Variants in AGBL4 observed in about 807,000 individuals in gnomAD.
AGBL4 encodes the protein cytosolic carboxypeptidase 6.
In AGBL4, 58 loss-of-function variants were observed where a neutral mutation model predicts 66.4. That is an observed-to-expected ratio of 0.87 (90% confidence interval 0.71 to 1.09). AGBL4 has a LOEUF of 1.09. Ranked by LOEUF, AGBL4 falls within the 50% of genes least tolerant of loss-of-function variation. The probability of loss-of-function intolerance (pLI) is 0.00; values close to 1 mark genes in which losing one functional copy is unlikely to be tolerated. For missense variants in AGBL4, 579 were observed against 631.0 expected (o/e 0.92, Z 0.88); for synonymous variants, 234 against 222.9 (o/e 1.05, Z -0.44).
rs539977604 is a variant in AGBL4 at position 49,938,189 on chromosome 1, A to C, written c.34+85574T>G. Among the ~76,000 whole-genome samples the C allele has an allele frequency of 5.3e-4, 81 of 152,228 alleles. 2 individuals carry two copies. Among genetic ancestry groups the C allele is most frequent in the African/African-American group, 1.9e-3 (77 of 41,516 alleles). On this transcript the variant is annotated intron_variant, in intron 1 of 13. Transcript: ENST00000371839. ...ATCACCACCAATCCCACAGAAATAC[A>C]AACTACCATCAGAGAATACTACAAA...
At chr1:49,580,768 G>A (rs1372665978) in intron 3 of AGBL4, among the ~76,000 whole-genome samples, 3 of 152,084 alleles carry the variant, frequency 2.0e-5, no homozygotes, top group Admixed American at 6.6e-5. Context: ...TGAGTCACAT[G>A]TTTTTCTCTT....
rs146276016 is a variant in AGBL4, at chr1:49,788,298, C to T, written c.157+63098G>A. Among the ~76,000 whole-genome samples, 204 of 151,620 alleles carry T rather than the reference C, an allele frequency of 1.3e-3. 2 individuals are homozygous for T. Among genetic ancestry groups the T allele is most frequent in the African/African-American group, 4.7e-3 (193 of 41,288 alleles). Reference sequence around the variant, plus strand: ...GTCTATATAATGTCAAGGTGATCAGCCAAAAACTGAACTGCACACTAGAAC... The same window carrying T: ...GTCTATATAATGTCAAGGTGATCAGTCAAAAACTGAACTGCACACTAGAAC... On this transcript the variant is annotated intron_variant, in intron 2 of 13. Coordinates refer to ENST00000371839, the MANE Select transcript of AGBL4 (RefSeq NM_032785.4).
chr1:48,833,791 T>C (rs1301893200), intron 6 of AGBL4, among the ~76,000 whole-genome samples: 2 of 152,146 alleles, frequency 1.3e-5, no homozygotes, highest in South Asian at 2.1e-4. Flanking sequence ...TTTTACAAGA[T>C]AAAAACATAG....
intron 3 of AGBL4, among the ~76,000 whole-genome samples, chr1:49,502,231 C>T (rs1393546023): frequency 1.3e-5 from 2 of 152,122 alleles, no homozygotes; most frequent in African/African-American, 4.8e-5. Context: ...TGTTGGCTTT[C>T]CTACTTTTGA....
chr1:49,607,738 A>C (rs2124209503), intron 3 of AGBL4, among the ~76,000 whole-genome samples: 1 of 152,262 alleles, frequency 6.6e-6, no homozygotes, highest in Admixed American at 6.5e-5. Flanking sequence ...AGGTTATAGA[A>C]GTTCCAGGCA....
chr1:49,088,232 C>T (rs1644941732), intron 4 of AGBL4, among the ~76,000 whole-genome samples: 1 of 152,110 alleles, frequency 6.6e-6, no homozygotes, highest in Non-Finnish European at 1.5e-5. Context: ...CTGCACATAT[C>T]AATATTAACC....
chr1:48,934,639 A>G (rs1175084163), intron 5 of AGBL4, among the ~76,000 whole-genome samples: 3 of 152,214 alleles, frequency 2.0e-5, no homozygotes, highest in South Asian at 2.1e-4. Context: ...AAAGGGCATC[A>G]CCACCCACCT....
intron 4 of AGBL4, among the ~76,000 whole-genome samples, chr1:49,159,752 TG>T (rs1646504806): frequency 6.6e-6 from 1 of 152,196 alleles, no homozygotes; most frequent in Admixed American, 6.5e-5. Context: ...TTGATGGTTT[TG>T]TTCATTCCTT....
chr1:49,585,954 T>A (rs966583053), intron 3 of AGBL4, among the ~76,000 whole-genome samples: 1 of 152,196 alleles, frequency 6.6e-6, no homozygotes, highest in Non-Finnish European at 1.5e-5. Context: ...TGTCTGTGTA[T>A]TGGGGCCATA....
At chr1:49,219,462 A>T (rs1303080655) in intron 4 of AGBL4, among the ~76,000 whole-genome samples, 1 of 152,162 alleles carries the variant, frequency 6.6e-6, no homozygotes, top group Non-Finnish European at 1.5e-5. Context: ...CATGATATTC[A>T]TGAAAGCAGC....
intron 1 of AGBL4, among the ~76,000 whole-genome samples, chr1:49,870,737 T>C (rs1646818401): frequency 6.6e-6 from 1 of 151,934 alleles, no homozygotes; most frequent in Non-Finnish European, 1.5e-5. Context: ...TGAAAAGATA[T>C]TCAACCACAC....
intron 3 of AGBL4, among the ~76,000 whole-genome samples, chr1:49,651,691 GGTAC>G: frequency 6.6e-6 from 1 of 151,674 alleles, no homozygotes; most frequent in East Asian, 1.9e-4. Context: ...ACATTCTCAA[GGTAC>G]AAATTAAAAA....
chr1:48,646,554 T>TGTGTGTGTGC, intron 8 of AGBL4, among the ~76,000 whole-genome samples: 1 of 150,558 alleles, frequency 6.6e-6, no homozygotes, highest in Non-Finnish European at 1.5e-5. Context: ...TGTGTGTGTG[T>TGTGTGTGTGC]GCTGGTGCTG....
At chr1:49,411,603 G>A (rs567642762) in intron 3 of AGBL4, among the ~76,000 whole-genome samples, 13 of 152,306 alleles carry the variant, frequency 8.5e-5, no homozygotes, top group Admixed American at 7.2e-4. Context: ...AGGCTCTCAA[G>A]TAGTTGAAGT....
intron 11 of AGBL4, among the ~76,000 whole-genome samples, chr1:48,576,437 G>A (rs1029582786): frequency 4.6e-5 from 7 of 152,168 alleles, no homozygotes; most frequent in African/African-American, 1.4e-4. Flanking sequence ...AAGCATATAT[G>A]TAGCCCCTAA....
At chr1:49,825,076 T>G (rs1645472948) in intron 2 of AGBL4, among the ~76,000 whole-genome samples, 1 of 152,222 alleles carries the variant, frequency 6.6e-6, no homozygotes, top group African/African-American at 2.4e-5. Flanking sequence ...TACAGCTTCC[T>G]AAGCAAGACC....
chr1:49,501,399 G>T (rs868452684), intron 3 of AGBL4, among the ~76,000 whole-genome samples: 2 of 152,124 alleles, frequency 1.3e-5, no homozygotes, highest in African/African-American at 4.8e-5. Flanking sequence ...GTCCATCCAA[G>T]TTGGAGCTAC....
chr1:49,684,242 A>G (rs1444175058), intron 3 of AGBL4, among the ~76,000 whole-genome samples: 1 of 152,204 alleles, frequency 6.6e-6, no homozygotes, highest in Non-Finnish European at 1.5e-5. Flanking sequence ...AAATTTAAAT[A>G]TCAATCTCTC....
chr1:49,403,274 A>C (rs935851715), intron 3 of AGBL4, among the ~76,000 whole-genome samples: 1 of 152,040 alleles, frequency 6.6e-6, no homozygotes, highest in Non-Finnish European at 1.5e-5. Context: ...CTTGAAATGT[A>C]TTTTGTCTGA....
Sources: allele counts gnomAD v4.1 joint callset (sites outside exome capture counted in the v4.1 genomes callset), GRCh38; gene constraint gnomAD v4.1.1; transcripts MANE v1.5; gene names NCBI Gene and HGNC (gene_info 2026-07-23, HGNC 2026-07-21).